Variants in CPAMD8 observed in about 807,000 individuals in gnomAD.
CPAMD8 encodes C3 and PZP-like alpha-2-macroglobulin domain-containing protein 8.
Under a neutral mutation model 224.7 loss-of-function variants are expected in CPAMD8, and 146 were observed. The ratio of observed to expected loss-of-function variants is 0.65; its 90% CI spans 0.57 to 0.75. The LOEUF (loss-of-function observed/expected upper bound fraction) is 0.75, where lower values mean the gene tolerates loss of function less well. Among genes scored for constraint, CPAMD8 ranks in the 30% least tolerant of loss-of-function variants. The probability of loss-of-function intolerance (pLI) is 0.00; values close to 1 mark genes in which losing one functional copy is unlikely to be tolerated. For missense variants in CPAMD8, 2,301 were observed against 2,537.5 expected, an observed-to-expected ratio of 0.91 and a Z score of 2.00; for synonymous variants, 966 against 1,044.6, an observed-to-expected ratio of 0.92 and a Z score of 1.45.
At chr19:16,944,018 C>T (rs1239307246) in intron 22 of CPAMD8, among the ~76,000 whole-genome samples, 1 of 152,196 alleles carries the variant, frequency 6.6e-6, no homozygotes, top group East Asian at 1.9e-4. Flanking sequence ...TGCAGGCCAG[C>T]AGGGGAGCAA....
chr19:16,915,818 C>T (rs1053833733), intron 27 of CPAMD8, among the ~76,000 whole-genome samples: 16 of 130,600 alleles, frequency 1.2e-4, no homozygotes, highest in Admixed American at 8.2e-4. Flanking sequence ...CCCGCCTGCC[C>T]GCCTGCCTGC....
At chr19:17,000,547 T>C (rs1245472531) in intron 9 of CPAMD8, 25 bp from the exon 10 acceptor site, 6 of 1,014,242 alleles carry the variant, frequency 5.9e-6, no homozygotes, top group Admixed American at 1.7e-5. Flanking sequence ...TAAAGCATGC[T>C]CAATTTCACA....
chr19:16,970,009 C>T (rs959520297), intron 18 of CPAMD8, among the ~76,000 whole-genome samples: 23 of 150,150 alleles, frequency 1.5e-4, no homozygotes, highest in African/African-American at 5.6e-4. Flanking sequence ...CCAAGGTGGG[C>T]GAATCACAAG....
At chr19:16,952,807 G>A (rs1479438934) in intron 19 of CPAMD8, among the ~76,000 whole-genome samples, 2 of 152,192 alleles carry the variant, frequency 1.3e-5, no homozygotes, top group Non-Finnish European at 2.9e-5. Flanking sequence ...GTGATCTATA[G>A]ATTCAATGGA....
Position 16,985,365 on chromosome 19 carries a change from A to AT in CPAMD8, c.1395+4277_1395+4278insA, listed in dbSNP as rs1568564003. ...GGCGGATGGATGGATGGATGGATGG[A>AT]GGGTAGATAAATAGGTAAGTGTAGT... On this transcript the variant is annotated intron_variant, in intron 13 of 41. Coordinates refer to ENST00000443236, the MANE Select transcript of CPAMD8 (RefSeq NM_015692.5). 9.7e-3 allele frequency among the ~76,000 whole-genome samples: 1,445 copies of AT among 149,160 alleles called. 22 individuals carry two copies. Among genetic ancestry groups the AT allele is most frequent in the African/African-American group, 0.032 (1,273 of 40,224 alleles).
At chr19:16,893,494 G>T in intron 41 of CPAMD8, 155 bp from the exon 42 acceptor site, 1 of 585,526 alleles carries the variant, frequency 1.7e-6, no homozygotes, top group Non-Finnish European at 3.0e-6. Context: ...CACAGGCAGC[G>T]AGGGGCCTCC....
At chr19:16,966,746 C>A (rs552201934) in intron 18 of CPAMD8, among the ~76,000 whole-genome samples, 23 of 152,320 alleles carry the variant, frequency 1.5e-4, no homozygotes, top group African/African-American at 5.5e-4. Flanking sequence ...AAATGCTCAT[C>A]ATCACTGGCC....
Position 16,993,684 on chromosome 19 carries a change from C to T in CPAMD8, c.1096-98G>A. ...CAATCCCCACTGGAATCCCAGCAGG[C>T]TTCTTTGTAGAAATTGACAAACTGC... is the stretch of plus-strand genomic sequence containing the variant. On this transcript the variant is annotated intron_variant, in intron 11 of 41. Coordinates refer to ENST00000443236, the MANE Select transcript of CPAMD8 (RefSeq NM_015692.5). 4.3e-6 allele frequency: 5 copies of T among 1,158,572 alleles called. No individual in the cohort carries two copies. In the East Asian group the frequency reaches 1.2e-4, roughly 29 times the overall value. The allele number at this position is 1,158,572 out of a possible 1,614,324, so 71.8% of individuals were successfully genotyped here.
chr19:16,999,924 C>T (rs7252097), intron 10 of CPAMD8, among the ~76,000 whole-genome samples: 34,348 of 152,022 alleles, frequency 0.23, 4,251 homozygotes, highest in Admixed American at 0.29. Context: ...GTGATCCGCC[C>T]GCCTTGGCCT....
intron 41 of CPAMD8, chr19:16,894,607 A>G (rs1599635815): frequency 2.6e-6 from 1 of 388,790 alleles, no homozygotes; most frequent in Admixed American, 2.8e-5. Context: ...CTGGCACTGT[A>G]CAACTCTGCC....
chr19:16,927,276 G>A (rs1005726052), intron 25 of CPAMD8, among the ~76,000 whole-genome samples: 8 of 151,936 alleles, frequency 5.3e-5, no homozygotes, highest in Admixed American at 3.3e-4. Flanking sequence ...TAAGTCTTAC[G>A]AGATCTGATG....
At chr19:16,937,452 G>A (rs115013772) in intron 23 of CPAMD8, among the ~76,000 whole-genome samples, 1,707 of 152,072 alleles carry the variant, frequency 0.011, 28 homozygotes, top group African/African-American at 0.039. Flanking sequence ...CGTGTAAGGT[G>A]TGATCTTTAG....
chr19:17,016,503 G>C (rs2056815611), intron 3 of CPAMD8, among the ~76,000 whole-genome samples: 1 of 152,178 alleles, frequency 6.6e-6, no homozygotes, highest in Non-Finnish European at 1.5e-5. Flanking sequence ...GCTCACACCT[G>C]TAATGCCAGC....
At chr19:17,017,662 A>G (rs2056846967) in intron 3 of CPAMD8, among the ~76,000 whole-genome samples, 1 of 152,238 alleles carries the variant, frequency 6.6e-6, no homozygotes, top group African/African-American at 2.4e-5. Context: ...TCCAAACTTT[A>G]CGAAATGTGC....
intron 41 of CPAMD8, chr19:16,895,903 G>GCACGCA (rs1555750181): frequency 2.9e-5 from 15 of 524,810 alleles, no homozygotes; most frequent in African/African-American, 2.8e-4. Context: ...GCGCGCGCAC[G>GCACGCA]CACACACACA....
At chr19:16,977,228 G>A (rs1021517500) in intron 15 of CPAMD8, 140 bp downstream of exon 15, 2 of 632,232 alleles carry the variant, frequency 3.2e-6, no homozygotes, top group South Asian at 2.0e-5. Context: ...CAGTAAAGAT[G>A]CAACTCATGT....
At chr19:16,933,994 C>T (rs1298216380) in intron 23 of CPAMD8, among the ~76,000 whole-genome samples, 1 of 152,178 alleles carries the variant, frequency 6.6e-6, no homozygotes, top group Non-Finnish European at 1.5e-5. Context: ...TGGAATCCTA[C>T]TCAGCCTTAA....
chr19:16,904,528 G>A lies in CPAMD8; in HGVS notation c.4052C>T (p.Ser1351Leu), dbSNP rs1229880674. The A allele has an allele frequency of 6.2e-7, 1 of 1,613,934 alleles. No homozygotes were observed. The highest frequency in any genetic ancestry group is 1.1e-5 in the South Asian group (1 of 91,076). Residue 1351 changes from serine to leucine, a missense_variant, in exon 31 of 42, where the codon TCA (serine) becomes TTA (leucine). Around this residue, in one of 4 missense-constraint regions of CPAMD8, gnomAD observed 1,709 missense variants for 1,753.2 expected, o/e 0.97. Transcript: ENST00000443236. ...MRDGVTHWSL[S>L]NSWDVDKGTF... ...GCCCTTGTCCACGTCCCAGGAATTT[G>A]ACAGGCTCCAGTGGGTGACCCCATC...
Position 16,977,555 on chromosome 19 carries a change from A to C in CPAMD8, c.1586-15T>G, listed in dbSNP as rs765320646. 1 of 1,563,034 alleles carries C rather than the reference A, an allele frequency of 6.4e-7. No homozygotes were observed. Among genetic ancestry groups the C allele is most frequent in the Non-Finnish European group, 8.6e-7 (1 of 1,162,042 alleles). On this transcript the variant is annotated splice_polypyrimidine_tract_variant and intron_variant, in intron 14 of 41. Transcript: ENST00000443236. The stretch of plus-strand genomic sequence containing the variant: ...TGGTGGGGGCTCTGAGGTGAGCAAA[A>C]GTAGAGAGAGGTGGTGAATTCTCCG...
Sources: allele counts gnomAD v4.1 joint callset (sites outside exome capture counted in the v4.1 genomes callset), GRCh38; gene constraint gnomAD v4.1.1; regional missense constraint gnomAD v4.1.1; transcripts MANE v1.5; gene names NCBI Gene and HGNC (gene_info 2026-07-23, HGNC 2026-07-21).